CDKN2A: variants seen among roughly 807,000 people sequenced by gnomAD.
CDKN2A encodes cyclin-dependent kinase inhibitor 2A.
Under a neutral mutation model 11.1 loss-of-function variants are expected in CDKN2A, and 3 were observed. That is an observed-to-expected ratio of 0.27 (90% CI 0.12 to 0.70). The LOEUF (loss-of-function observed/expected upper bound fraction) is 0.70. Ranked by LOEUF, CDKN2A falls within the 30% of genes least tolerant of loss-of-function variation. CDKN2A has a pLI of 0.77. For missense variants in CDKN2A, 265 were observed against 233.6 expected (o/e 1.13, Z -0.88); for synonymous variants, 122 against 108.1 (o/e 1.13, Z -0.80).
intron 1 of CDKN2A, chr9:21,971,510 C>G (rs539812176): frequency 2.0e-6 from 1 of 501,818 alleles, no homozygotes; most frequent in Non-Finnish European, 3.3e-6. Flanking sequence ...TCCAGGCTAA[C>G]TTCCTGTATT....
intron 1 of CDKN2A, among the ~76,000 whole-genome samples, chr9:21,973,459 T>A (rs1195150150): frequency 6.6e-6 from 1 of 152,228 alleles, no homozygotes; most frequent in African/African-American, 2.4e-5. Flanking sequence ...TCCACTTTTC[T>A]TTTTCCTTTT....
chr9:21,970,155 G>C, intron 2 of CDKN2A: 1 of 251,326 alleles, frequency 4.0e-6, no homozygotes, highest in East Asian at 5.8e-5. Flanking sequence ...GTAGGGAACT[G>C]GGGCCATGGA....
At chr9:21,970,491 T>C (rs1437641160) in intron 2 of CDKN2A, 3 of 418,684 alleles carry the variant, frequency 7.2e-6, no homozygotes, top group South Asian at 6.7e-5. Flanking sequence ...AATCCTGAGG[T>C]TGGTCCAGCC....
At chr9:21,994,410 C>A (rs747151681) in intron 1 of CDKN2A, 2 of 1,605,698 alleles carry the variant, frequency 1.2e-6, no homozygotes, top group Non-Finnish European at 8.5e-7. Context: ...GCCACTCCTG[C>A]CCCCTTAACT....
At chr9:21,984,566 C>A (rs1165606882) in intron 2 of CDKN2A, among the ~76,000 whole-genome samples, 3 of 151,988 alleles carry the variant, frequency 2.0e-5, no homozygotes. Flanking sequence ...TATAATATCT[C>A]ATTTCTGCTT....
At chr9:21,990,706 C>A (rs1820413268) in intron 2 of CDKN2A, among the ~76,000 whole-genome samples, 1 of 145,608 alleles carries the variant, frequency 6.9e-6, no homozygotes, top group Non-Finnish European at 1.5e-5. Flanking sequence ...ATAATGCAAT[C>A]ATTTAACAGT....
At chr9:21,969,055 C>T (rs2131083806) in intron 2 of CDKN2A, among the ~76,000 whole-genome samples, 1 of 152,288 alleles carries the variant, frequency 6.6e-6, no homozygotes, top group Non-Finnish European at 1.5e-5. Context: ...TTCATATTTA[C>T]CCATTGCATT....
chr9:21,975,053 C>T, upstream of CDKN2A: 1 of 1,346,116 alleles, frequency 7.4e-7, no homozygotes, highest in Non-Finnish European at 9.5e-7. Context: ...CTATTAACTC[C>T]GAGCACTTAG....
intron 2 of CDKN2A, among the ~76,000 whole-genome samples, chr9:21,970,085 A>G (rs192755402): frequency 4.8e-4 from 73 of 152,216 alleles, no homozygotes; most frequent in Non-Finnish European, 7.5e-4. Flanking sequence ...TCAAAAAAAA[A>G]TGTTCCTCCC....
At position 21,988,135 on chromosome 9, in the gene CDKN2A, C is replaced by T. The variant is rs1239704415; in HGVS notation, c.-4+5747G>A. 1.3e-5 allele frequency among the ~76,000 whole-genome samples: 2 copies of T among 152,090 alleles called. No homozygotes were observed. Among genetic ancestry groups the T allele is most frequent in the African/African-American group, 4.8e-5 (2 of 41,404 alleles). ...TCAATTTGCTTAAGAGATTACATGT[C>T]TTTGTTCATGTAATTCTGAACCTCT... On this transcript the variant is annotated intron_variant, in intron 2 of 3. Coordinates refer to the CDKN2A transcript ENST00000494262. This position sits in a 1 kb window ranked among gnomAD's most constrained non-coding sequence, Gnocchi z 4.1.
chr9:21,983,744 T>C (rs1234202362), intron 2 of CDKN2A, among the ~76,000 whole-genome samples: 7 of 152,052 alleles, frequency 4.6e-5, no homozygotes, highest in African/African-American at 1.7e-4. Flanking sequence ...TTCTCCATTC[T>C]TTCTATGGCC....
intron 2 of CDKN2A, chr9:21,989,773 AC>A (rs1820381717): frequency 1.3e-5 from 2 of 151,856 alleles, no homozygotes; most frequent in East Asian, 3.9e-4. Flanking sequence ...TCCCACCCCC[AC>A]CGCGGCCAGT....
chr9:21,987,300 A>C (rs968242850), intron 2 of CDKN2A, among the ~76,000 whole-genome samples: 1 of 151,762 alleles, frequency 6.6e-6, no homozygotes, highest in Non-Finnish European at 1.5e-5. Context: ...CCTGTGAAAC[A>C]CTTGTGCTTT....
chr9:21,974,667 C>G lies in CDKN2A; in HGVS notation c.150+11G>C. 6.2e-7 allele frequency: 1 copy of G among 1,614,184 alleles called. No individual in the cohort carries two copies. The highest frequency in any genetic ancestry group is 8.5e-7 in the Non-Finnish European group (1 of 1,180,040). The stretch of plus-strand genomic sequence containing the variant: ...GCCATCCCCTGCTCCCGCTGCAGAC[C>G]CTCTACCCACCTGGATCGGCCTCCG... On this transcript the variant is annotated intron_variant, in intron 1 of 2. Coordinates refer to ENST00000304494, the MANE Select transcript of CDKN2A (RefSeq NM_000077.5). The surrounding 1 kb of genome is among the most constrained non-coding windows in gnomAD (Gnocchi z 5.2).
intron 2 of CDKN2A, 112 bp downstream of exon 2, chr9:21,970,790 C>T (rs1819671577): frequency 7.4e-7 from 1 of 1,353,674 alleles, no homozygotes; most frequent in African/African-American, 1.4e-5. Flanking sequence ...GGCGCGTGAG[C>T]TGAGGCAAGA....
chr9:21,993,926 CA>C (rs1820511182), exon 2 of CDKN2A: 1 of 623,576 alleles, frequency 1.6e-6, no homozygotes, highest in Non-Finnish European at 2.8e-6. Flanking sequence ...CTCAGTTTCC[CA>C]CGATTGAGGG....
At chr9:21,990,780 A>C (rs1820414467) in intron 2 of CDKN2A, among the ~76,000 whole-genome samples, 1 of 152,222 alleles carries the variant, frequency 6.6e-6, no homozygotes, top group Admixed American at 6.5e-5. Context: ...TTAACACTTT[A>C]TTGCTAGAAT....
exon 2 of CDKN2A, chr9:21,994,051 G>C (rs1820519293): frequency 3.5e-6 from 5 of 1,423,728 alleles, no homozygotes; most frequent in Non-Finnish European, 4.8e-6. Flanking sequence ...CTCCTAGCCT[G>C]GGCTAGAGAC....
Position 21,967,990 on chromosome 9 carries a change from G to T in CDKN2A, c.*239C>A, listed in dbSNP as rs1280810344. 1.8e-6 allele frequency: 1 copy of T among 544,172 alleles called. No individual in the cohort carries two copies. The highest frequency in any genetic ancestry group is 1.9e-5 in the African/African-American group (1 of 53,138). 33.7% of individuals were successfully genotyped at this position (544,172 alleles called of 1,614,324 possible). On this transcript the variant is annotated 3_prime_UTR_variant, in exon 3 of 3. Coordinates refer to ENST00000304494, the MANE Select transcript of CDKN2A (RefSeq NM_000077.5). ...CCAACACAGTGAAAAGGCAGAAGCG[G>T]TGTTTTTCTTTTTTACATTTTTATA...
Sources: gnomAD v4.1 joint callset for allele counts (sites outside exome capture counted in the v4.1 genomes callset) on GRCh38, gnomAD v4.1.1 for gene constraint, Gnocchi (gnomAD v3.1) non-coding constraint, MANE v1.5 for transcripts, NCBI Gene and HGNC (gene_info 2026-07-23, HGNC 2026-07-21) for gene names.